The following CDK11B variants were observed in gnomAD, a reference collection of about 807,000 sequenced individuals.
CDK11B encodes cyclin-dependent kinase 11B.
CDK11B carries 37 observed loss-of-function variants against 84.0 expected under a neutral mutation model. The ratio of observed to expected loss-of-function variants is 0.44; its 90% CI spans 0.34 to 0.58. CDK11B has a LOEUF of 0.58. Ranked by LOEUF, CDK11B falls within the 20% of genes least tolerant of loss-of-function variation. The pLI is 0.02. For synonymous variants in CDK11B, 269 were observed against 309.8 expected (o/e 0.87, Z 1.38); for missense variants, 427 against 834.0 (o/e 0.51, Z 6.01).
intron 10 of CDK11B, 74 bp from the exon 11 acceptor site, chr1:1,640,526 C>T: frequency 1.9e-6 from 3 of 1,606,384 alleles, no homozygotes; most frequent in Non-Finnish European, 2.6e-6. Flanking sequence ...CCGGGGGCAT[C>T]AAGCGCGTGG....
In CDK11B at chr1:1,657,477, A is replaced by G. The variant is rs1410864719; in HGVS notation, c.9T>C (p.Asp3=). 3.2e-6 allele frequency: 5 copies of G among 1,538,596 alleles called. No individual in the cohort carries two copies. The Admixed American group carries it at 8.5e-5, about 26-fold the overall frequency. The change falls in exon 2 of 20, where the codon GAT becomes GAC. Residue 3 remains aspartate, a synonymous_variant. Transcript: ENST00000341832. ...TTTTCACTTTCCAAGAGTCCTTTTC[A>G]TCACCCATTTGAGTTAAAACACTGC... MG[D]EKDSWKVKTL... is the part of the protein sequence containing the mutation.
intron 3 of CDK11B, chr1:1,654,102 G>A (rs1340699436): frequency 2.2e-6 from 1 of 447,672 alleles, no homozygotes; most frequent in East Asian, 6.6e-5. Context: ...AAAATTCTGG[G>A]AAAATTCACA....
At chr1:1,638,002 T>C (rs1307545122) in intron 12 of CDK11B, 119 bp from the exon 13 acceptor site, 4 of 1,509,660 alleles carry the variant, frequency 2.6e-6, no homozygotes, top group East Asian at 4.6e-5. Context: ...CGGAGGGGGG[T>C]CTCGTTCTAG....
At chr1:1,654,579 G>C (rs967199907) in intron 3 of CDK11B, among the ~76,000 whole-genome samples, 4 of 151,856 alleles carry the variant, frequency 2.6e-5, no homozygotes, top group African/African-American at 9.7e-5. Context: ...TGCCGCGTCC[G>C]GCCAATATGA....
chr1:1,637,415 G>A lies in CDK11B; in HGVS notation c.1563C>T (p.Phe521=), dbSNP rs543963349. The A allele has an allele frequency of 6.2e-7, 1 of 1,613,676 alleles. No homozygotes were observed. Among genetic ancestry groups the A allele is most frequent in the South Asian group, 1.1e-5 (1 of 91,052 alleles). ...CCTGGGGCGCGGCTGTACCTGGCAG[G>A]AAGGGCTGTTTCATGGTCTCCATCA... is the stretch of plus-strand genomic sequence containing the variant. ...KSLMETMKQP[F]LPGEVKTLMI... is the part of the protein sequence containing the mutation. Residue 521 remains phenylalanine, a synonymous_variant, in exon 14 of 20, where the codon TTC becomes TTT. Coordinates refer to ENST00000341832, the MANE Select transcript of CDK11B (RefSeq NM_033486.3).
At chr1:1,650,039 C>A (rs1421228367) in intron 4 of CDK11B, among the ~76,000 whole-genome samples, 1 of 150,324 alleles carries the variant, frequency 6.7e-6, no homozygotes, top group Non-Finnish European at 1.5e-5. Flanking sequence ...TCTGGGAGGC[C>A]GAGGTGGGCG....
chr1:1,655,384 T>C lies in CDK11B; in HGVS notation c.212A>G (p.Asp71Gly). 1.2e-6 allele frequency: 2 copies of C among 1,613,358 alleles called. No individual in the cohort carries two copies. The highest frequency in any genetic ancestry group is 8.5e-7 in the Non-Finnish European group (1 of 1,179,542). The change falls in exon 3 of 20, where the codon GAC (aspartate) becomes GGC (glycine). Residue 71 changes from aspartate to glycine, a missense_variant. Coordinates refer to ENST00000341832, the MANE Select transcript of CDK11B (RefSeq NM_033486.3). ...TIRNSPYRRE[D>G]SMEDRGEEDD... The stretch of plus-strand genomic sequence containing the variant: ...ATCCGCTCACCTGTCTTCCATAGAG[T>C]CTTCTCTTCTATACGGGGAGTTCCT...
chr1:1,658,993 A>T lies in CDK11B; in HGVS notation c.-93T>A. The T allele has an allele frequency of 5.1e-6, 1 of 195,860 alleles. No homozygotes were observed. The allele number at this position is 195,860 out of a possible 1,614,324, so 12.1% of individuals were successfully genotyped here. Reference sequence around the variant, plus strand: ...GAAACAGCAACCGGCGCGCGCCAAAAGTATCGTCACTTCCTGTATTGGCGC... The same window carrying T: ...GAAACAGCAACCGGCGCGCGCCAAATGTATCGTCACTTCCTGTATTGGCGC... On this transcript the variant is annotated 5_prime_UTR_variant, in exon 1 of 20. Coordinates refer to ENST00000341832, the MANE Select transcript of CDK11B (RefSeq NM_033486.3).
At chr1:1,641,608 T>A (rs1173520045) in intron 9 of CDK11B, 54 bp downstream of exon 9, 1 of 1,251,710 alleles carries the variant, frequency 8.0e-7, no homozygotes, top group Non-Finnish European at 1.1e-6. Context: ...TCTCTGCGGT[T>A]TCTAACACTA....
At chr1:1,640,859 G>A (rs1185400188) in intron 10 of CDK11B, among the ~76,000 whole-genome samples, 189 bp downstream of exon 10, 3 of 150,860 alleles carry the variant, frequency 2.0e-5, no homozygotes, top group African/African-American at 4.8e-5. Context: ...CACTCAGGAC[G>A]CCCTTGGTCA....
chr1:1,654,068 T>A, intron 3 of CDK11B: 1 of 436,534 alleles, frequency 2.3e-6, no homozygotes, highest in South Asian at 1.6e-5. Context: ...TTTAACAGTA[T>A]CTTCAGCTGA....
intron 3 of CDK11B, among the ~76,000 whole-genome samples, chr1:1,654,585 T>G (rs1391050914): frequency 6.6e-6 from 1 of 151,442 alleles, no homozygotes; most frequent in Non-Finnish European, 1.5e-5. Flanking sequence ...GTCCGGCCAA[T>G]ATGAACATTT....
chr1:1,642,625 TGC>T, intron 6 of CDK11B, 117 bp from the exon 7 acceptor site: 3 of 107,966 alleles, frequency 2.8e-5, no homozygotes, highest in Non-Finnish European at 4.7e-5. Flanking sequence ...ACCCACAGCG[TGC>T]ACAGGGTGCT....
In CDK11B at chr1:1,639,445, T is replaced by C. The variant is rs552805892; in HGVS notation, c.1251+832A>G. The stretch of plus-strand genomic sequence containing the variant: ...AAAAAAAGCCATCCCAAGAGTCTCT[T>C]TGTCAAACTGGATGTGTCCCCTGCT... On this transcript the variant is annotated intron_variant, in intron 11 of 19. Transcript: ENST00000341832. Among the ~76,000 whole-genome samples, 13 of 151,808 alleles carry C rather than the reference T, an allele frequency of 8.6e-5. No individual in the cohort carries two copies. In the East Asian group the frequency reaches 1.7e-3, roughly 20 times the overall value.
intron 5 of CDK11B, 103 bp downstream of exon 5, chr1:1,649,396 T>A: frequency 1.2e-6 from 1 of 852,526 alleles, no homozygotes; most frequent in Non-Finnish European, 1.9e-6. Context: ...CCACCACACC[T>A]GGCTCAGATG....
chr1:1,657,356 C>T lies in CDK11B; in HGVS notation c.111+19G>A. 3.1e-6 allele frequency: 5 copies of T among 1,613,558 alleles called. No homozygotes were observed. Among genetic ancestry groups the T allele is most frequent in the Non-Finnish European group, 4.2e-6 (5 of 1,179,726 alleles). The stretch of plus-strand genomic sequence containing the variant: ...AAATCTCCTTTAAGAAAACCACTTA[C>T]TTAAAAAATATGGCTTACATTTTTT... On this transcript the variant is annotated intron_variant, in intron 2 of 19. Transcript: ENST00000341832.
At chr1:1,650,268 C>CAAAAAAAAAAAAAAAAAAAAAAAAAAA (rs1212256890) in intron 4 of CDK11B, among the ~76,000 whole-genome samples, 18 of 45,744 alleles carry the variant, frequency 3.9e-4, no homozygotes, top group Non-Finnish European at 6.4e-4. Context: ...GACTCCGTCC[C>CAAAAAAAAAAAAAAAAAAAAAAAAAAA]AAAAAAAAAA....
At chr1:1,643,351 C>G (rs1640540455) in intron 6 of CDK11B, among the ~76,000 whole-genome samples, 1 of 145,946 alleles carries the variant, frequency 6.9e-6, no homozygotes, top group Non-Finnish European at 1.5e-5. Context: ...CCAGCACAAC[C>G]AAAACAACAA....
rs576126031 is a variant in CDK11B, at chr1:1,653,965, T to C, written c.228-1399A>G. Among the ~76,000 whole-genome samples the C allele has an allele frequency of 1.1e-3, 173 of 152,114 alleles. 1 individual carries two copies. Among genetic ancestry groups the C allele is most frequent in the African/African-American group, 3.7e-3 (152 of 41,518 alleles). ...TGGAGGTGGCAGTGAGCCGAGATCA[T>C]GCCAGTGCACTCCAGCCTGGGCGAC... On this transcript the variant is annotated intron_variant, in intron 3 of 19. Coordinates refer to ENST00000341832, the MANE Select transcript of CDK11B (RefSeq NM_033486.3).
Sources: allele counts gnomAD v4.1 joint callset (sites outside exome capture counted in the v4.1 genomes callset), GRCh38; gene constraint gnomAD v4.1.1; transcripts MANE v1.5; gene names NCBI Gene and HGNC (gene_info 2026-07-23, HGNC 2026-07-21).